The following SCFD2 variants were observed in gnomAD, a reference collection of about 807,000 sequenced individuals.
SCFD2 encodes sec1 family domain containing 2.
Under a neutral mutation model 58.9 loss-of-function variants are expected in SCFD2, and 54 were observed. The observed-to-expected ratio is 0.92, with a 90% confidence interval of 0.74 to 1.15. The LOEUF is 1.15. SCFD2 is among the 50% of genes most tolerant of loss of function. The pLI is 0.00. For missense variants in SCFD2, 805 were observed against 836.6 expected (o/e 0.96, Z 0.47); for synonymous variants, 321 against 335.9 (o/e 0.96, Z 0.49).
At chr4:53,091,189 A>G (rs1254247795) in intron 5 of SCFD2, among the ~76,000 whole-genome samples, 2 of 152,138 alleles carry the variant, frequency 1.3e-5, no homozygotes, top group Non-Finnish European at 2.9e-5. Context: ...TGAAGAAAGG[A>G]AATTTTTTGT....
At chr4:53,210,220 T>C (rs114485594) in intron 4 of SCFD2, among the ~76,000 whole-genome samples, 7 of 152,020 alleles carry the variant, frequency 4.6e-5, no homozygotes, top group East Asian at 1.9e-4. Flanking sequence ...GCTAGGAGAA[T>C]AGGTGAGTAG....
intron 6 of SCFD2, among the ~76,000 whole-genome samples, chr4:52,917,058 C>T (rs963885123): frequency 1.3e-5 from 2 of 152,106 alleles, no homozygotes; most frequent in Non-Finnish European, 2.9e-5. Flanking sequence ...CCACCACACC[C>T]ACCTAATTTT....
chr4:53,072,842 TG>T (rs1723861518), intron 5 of SCFD2, among the ~76,000 whole-genome samples: 1 of 152,124 alleles, frequency 6.6e-6, no homozygotes, highest in African/African-American at 2.4e-5. Context: ...ACTCACTCCT[TG>T]TGTGTCCGCA....
chr4:53,212,842 A>G lies in SCFD2; in HGVS notation c.1311+60984T>C, dbSNP rs575562460. 2.7e-4 allele frequency among the ~76,000 whole-genome samples: 41 copies of G among 152,090 alleles called. 1 individual carries two copies. The highest frequency in any genetic ancestry group is 9.4e-4 in the African/African-American group (39 of 41,442). On this transcript the variant is annotated intron_variant, in intron 4 of 8. Coordinates refer to ENST00000401642, the MANE Select transcript of SCFD2 (RefSeq NM_152540.4). ...CACAAGTGAACCTTAACTCATCACA[A>G]TGATTACACGGTTTTTTTTTTTAAC...
intron 4 of SCFD2, among the ~76,000 whole-genome samples, chr4:53,169,318 C>T (rs1036270573): frequency 1.3e-5 from 2 of 152,118 alleles, no homozygotes; most frequent in African/African-American, 4.8e-5. Flanking sequence ...GCCGAGATGG[C>T]ACCACTCTAT....
intron 5 of SCFD2, among the ~76,000 whole-genome samples, chr4:52,962,228 G>A (rs1720868427): frequency 6.6e-6 from 1 of 152,208 alleles, no homozygotes. Flanking sequence ...CCAGGAAGTA[G>A]GTCAAGGTTG....
chr4:53,126,931 C>T (rs1317809297), intron 5 of SCFD2, among the ~76,000 whole-genome samples: 1 of 152,060 alleles, frequency 6.6e-6, no homozygotes, highest in Admixed American at 6.5e-5. Context: ...AAAAATTTTG[C>T]ATTCCATGTG....
rs1731822277 is a variant in SCFD2 at position 53,291,035 on chromosome 4, A to G, written c.1136-17034T>C. ...ACAAGTCAAGGAAGAATTATTACCA[A>G]TACCTCTTAAGCCCACACAAAAAAA... is the stretch of plus-strand genomic sequence containing the variant. On this transcript the variant is annotated intron_variant, in intron 3 of 8. Coordinates refer to ENST00000401642, the MANE Select transcript of SCFD2 (RefSeq NM_152540.4). Among the ~76,000 whole-genome samples, 3 of 152,146 alleles carry G rather than the reference A, an allele frequency of 2.0e-5. No individual in the cohort carries two copies. In the South Asian group the frequency reaches 6.2e-4, roughly 31 times the overall value.
At chr4:52,975,521 A>C (rs1721231882) in intron 5 of SCFD2, among the ~76,000 whole-genome samples, 1 of 152,194 alleles carries the variant, frequency 6.6e-6, no homozygotes, top group African/African-American at 2.4e-5. Flanking sequence ...TCAGGAAACA[A>C]CAGGTGCTGG....
At chr4:53,073,561 T>A (rs1723886121) in intron 5 of SCFD2, among the ~76,000 whole-genome samples, 1 of 152,058 alleles carries the variant, frequency 6.6e-6, no homozygotes, top group Admixed American at 6.6e-5. Flanking sequence ...TGGACTATCC[T>A]CTGAAAATGA....
At chr4:53,281,087 A>C (rs933150003) in intron 3 of SCFD2, among the ~76,000 whole-genome samples, 15 of 152,120 alleles carry the variant, frequency 9.9e-5, no homozygotes, top group Admixed American at 8.5e-4. Context: ...GTTTGATTCG[A>C]CCTGATCTCC....
chr4:53,128,221 G>A (rs779449176), intron 5 of SCFD2, among the ~76,000 whole-genome samples: 1 of 152,002 alleles, frequency 6.6e-6, no homozygotes, highest in Non-Finnish European at 1.5e-5. Flanking sequence ...TGATTTTTAC[G>A]TGCACATACG....
intron 7 of SCFD2, among the ~76,000 whole-genome samples, chr4:52,892,886 G>A (rs539077812): frequency 1.3e-5 from 2 of 152,282 alleles, no homozygotes; most frequent in Admixed American, 1.3e-4. Context: ...GATGCAATAC[G>A]CAGACTGCCA....
intron 4 of SCFD2, among the ~76,000 whole-genome samples, chr4:53,247,154 C>A (rs762071402): frequency 6.6e-6 from 1 of 152,030 alleles, no homozygotes; most frequent in Non-Finnish European, 1.5e-5. Context: ...ATATAAAAAA[C>A]CAGCTCAAAA....
At chr4:53,329,277 T>C (rs1394814037) in intron 2 of SCFD2, among the ~76,000 whole-genome samples, 12 of 152,012 alleles carry the variant, frequency 7.9e-5, no homozygotes, top group Admixed American at 2.0e-4. Flanking sequence ...TCTGTAGGCT[T>C]CACCTCTGGG....
At chr4:53,157,573 C>T (rs1047089849) in intron 4 of SCFD2, among the ~76,000 whole-genome samples, 1 of 151,978 alleles carries the variant, frequency 6.6e-6, no homozygotes, top group East Asian at 1.9e-4. Context: ...TTCAGCAAAA[C>T]ATTAAAAATA....
intron 4 of SCFD2, among the ~76,000 whole-genome samples, chr4:53,235,670 C>T (rs867418798): frequency 2.4e-4 from 37 of 152,158 alleles, no homozygotes; most frequent in African/African-American, 8.7e-4. Flanking sequence ...GAGAAAGTAG[C>T]AATTGTAAAT....
At chr4:53,082,088 C>G (rs1724165348) in intron 5 of SCFD2, among the ~76,000 whole-genome samples, 1 of 152,078 alleles carries the variant, frequency 6.6e-6, no homozygotes, top group South Asian at 2.1e-4. Flanking sequence ...TTTGTTAAAC[C>G]ATTCATCAGT....
At chr4:52,960,512 G>C (rs949470122) in intron 5 of SCFD2, among the ~76,000 whole-genome samples, 3 of 151,950 alleles carry the variant, frequency 2.0e-5, no homozygotes, top group Non-Finnish European at 4.4e-5. Context: ...AGGATTATAG[G>C]CATACACCAC....
Sources: allele counts gnomAD v4.1 joint callset (sites outside exome capture counted in the v4.1 genomes callset), GRCh38; gene constraint gnomAD v4.1.1; transcripts MANE v1.5; gene names NCBI Gene and HGNC (gene_info 2026-07-23, HGNC 2026-07-21).